Variants in SFXN4 observed in about 807,000 individuals in gnomAD.
SFXN4 encodes sideroflexin 4.
SFXN4 carries 48 observed loss-of-function variants against 54.6 expected under a neutral mutation model. That is an observed-to-expected ratio of 0.88 (90% CI 0.70 to 1.12). SFXN4 has a LOEUF of 1.12. SFXN4 is among the 50% of genes most tolerant of loss of function. The pLI is 0.00. For missense variants in SFXN4, 383 were observed against 409.2 expected (o/e 0.94, Z 0.55); for synonymous variants, 130 against 145.5 (o/e 0.89, Z 0.77).
chr10:119,161,218 A>G, intron 3 of SFXN4, 137 bp from the exon 4 acceptor site: 1 of 767,706 alleles, frequency 1.3e-6, no homozygotes, highest in Non-Finnish European at 2.1e-6. Flanking sequence ...TACTGGGTTC[A>G]AACGATCCTC....
At chr10:119,157,136 A>G (rs1388276274) in intron 9 of SFXN4, among the ~76,000 whole-genome samples, 1 of 152,198 alleles carries the variant, frequency 6.6e-6, no homozygotes, top group Non-Finnish European at 1.5e-5. Flanking sequence ...TTTTAAAAAG[A>G]TAACAGTACC....
intron 3 of SFXN4, among the ~76,000 whole-genome samples, chr10:119,161,768 T>C (rs892793754): frequency 1.3e-5 from 2 of 152,210 alleles, no homozygotes; most frequent in Non-Finnish European, 2.9e-5. Flanking sequence ...TGTGTGCTGA[T>C]GACACACCAT....
rs2133611171 is a variant in SFXN4, at chr10:119,157,892, G to T, written c.450C>A (p.Ser150Arg). ...TCACGTAACTTCTGTTTCCATTGAT[G>T]CTGTTGAACGCTGCCATGTAGGCAC... ...FLCAYMAAFNSINGNRSYTCK... is the reference protein window; with the variant it reads ...FLCAYMAAFNRINGNRSYTCK... The change falls in exon 8 of 14, where the codon AGC (serine) becomes AGA (arginine). Residue 150 changes from serine to arginine, a missense_variant. Coordinates refer to ENST00000355697, the MANE Select transcript of SFXN4 (RefSeq NM_213649.2). The T allele has an allele frequency of 6.2e-7, 1 of 1,614,210 alleles. No homozygotes were observed. The highest frequency in any genetic ancestry group is 1.6e-4 in the Middle Eastern group (1 of 6,062).
intron 11 of SFXN4, among the ~76,000 whole-genome samples, chr10:119,148,551 C>G (rs1336513931): frequency 2.0e-5 from 3 of 152,166 alleles, no homozygotes; most frequent in Non-Finnish European, 4.4e-5. Flanking sequence ...TGACCTGGCT[C>G]AGCAGTGACT....
At position 119,159,757 on chromosome 10, in the gene SFXN4, G is replaced by A; in HGVS notation, c.335-4C>T. 1 of 1,614,100 alleles carries A rather than the reference G, an allele frequency of 6.2e-7. No individual in the cohort carries two copies. Among genetic ancestry groups the A allele is most frequent in the South Asian group, 1.1e-5 (1 of 91,080 alleles). The stretch of plus-strand genomic sequence containing the variant: ...GGTGCCATGAAAGGCAGGAACGCTG[G>A]CAGGAAGAGAAGAGAGGAGGTGTCA... On this transcript the variant is annotated splice_region_variant and splice_polypyrimidine_tract_variant and intron_variant, in intron 5 of 13. Transcript: ENST00000355697.
chr10:119,161,165 G>C lies in SFXN4; in HGVS notation c.253-84C>G. The C allele has an allele frequency of 2.2e-6, 3 of 1,358,164 alleles. No individual in the cohort carries two copies. In the East Asian group the frequency reaches 7.1e-5, roughly 32 times the overall value. 84.1% of individuals were successfully genotyped at this position (1,358,164 alleles called of 1,614,324 possible). ...TCTTGCTCTGTCACCCAGGGCTGGG[G>C]TATAGTGGCACAATCATCACTCACT... On this transcript the variant is annotated intron_variant, in intron 3 of 13. Coordinates refer to ENST00000355697, the MANE Select transcript of SFXN4 (RefSeq NM_213649.2).
At chr10:119,153,062 T>C (rs1021235068) in intron 11 of SFXN4, among the ~76,000 whole-genome samples, 3 of 152,154 alleles carry the variant, frequency 2.0e-5, no homozygotes, top group African/African-American at 4.8e-5. Flanking sequence ...GACCATAGAC[T>C]ATACCAGGTT....
intron 12 of SFXN4, among the ~76,000 whole-genome samples, chr10:119,147,546 A>G (rs571349482): frequency 6.6e-6 from 1 of 152,288 alleles, no homozygotes; most frequent in Non-Finnish European, 1.5e-5. Flanking sequence ...CGCCAAGGAC[A>G]CGGGGTAACT....
In SFXN4 at chr10:119,164,168, G is replaced by T; in HGVS notation, c.140C>A (p.Thr47Lys). 6.3e-7 allele frequency: 1 copy of T among 1,592,234 alleles called. No individual in the cohort carries two copies. The highest frequency in any genetic ancestry group is 8.6e-7 in the Non-Finnish European group (1 of 1,167,896). Residue 47 changes from threonine to lysine, a missense_variant, in exon 2 of 14, where the codon ACA (threonine) becomes AAA (lysine). Transcript: ENST00000355697. ...QSFIRRFLQW[T>K]ELLDPTNVFI... ...CACATTTGTAGGATCTAATAATTCT[G>T]TCCATTGAAGAAATCGTCGAATAAA... is the stretch of plus-strand genomic sequence containing the variant.
At chr10:119,165,438 C>T (rs1589654408) in intron 1 of SFXN4, 99 bp downstream of exon 1, 2 of 1,355,338 alleles carry the variant, frequency 1.5e-6, no homozygotes, top group Non-Finnish European at 1.9e-6. Flanking sequence ...AGACAGGGGG[C>T]GCCCACGTGG....
rs949051682 is a variant in SFXN4, at chr10:119,158,141, G to A, written c.361-79C>T. On this transcript the variant is annotated intron_variant, in intron 6 of 13. Transcript: ENST00000355697. Reference sequence around the variant, plus strand: ...TGCAGTAGCAAAGAACTTTCCAGGGGAGAGGGAGAATTGAGCCCCCAAGGA... The same window carrying A: ...TGCAGTAGCAAAGAACTTTCCAGGGAAGAGGGAGAATTGAGCCCCCAAGGA... 3 of 1,368,040 alleles carry A rather than the reference G, an allele frequency of 2.2e-6. No homozygotes were observed. In the African/African-American group the frequency reaches 4.3e-5, roughly 20 times the overall value. 84.7% of individuals were successfully genotyped at this position (1,368,040 alleles called of 1,614,324 possible). A position where few individuals can be genotyped will look rare whatever the true frequency, so the allele number is the denominator to read the frequency against.
rs1564809562 is a variant in SFXN4 at position 119,140,900 on chromosome 10, G to A, written c.*342C>T. On this transcript the variant is annotated 3_prime_UTR_variant, in exon 14 of 14. Transcript: ENST00000355697. ...CATTTAACACCTGTGTCCTGGGCAC[G>A]GTGGACTCTGTGTTCTTTCTTCAAA... 9.6e-6 allele frequency: 2 copies of A among 207,558 alleles called. No individual in the cohort carries two copies. Among genetic ancestry groups the A allele is most frequent in the Non-Finnish European group, 1.9e-5 (2 of 103,478 alleles). 12.9% of individuals were successfully genotyped at this position (207,558 alleles called of 1,614,324 possible).
intron 11 of SFXN4, among the ~76,000 whole-genome samples, chr10:119,154,549 G>C (rs1847201608): frequency 6.6e-6 from 1 of 152,098 alleles, no homozygotes; most frequent in Non-Finnish European, 1.5e-5. Flanking sequence ...AAGGAATTGG[G>C]GGCCAGGCAT....
chr10:119,158,250 T>C (rs1008888180), intron 6 of SFXN4, 188 bp from the exon 7 acceptor site: 1 of 624,664 alleles, frequency 1.6e-6, no homozygotes. Context: ...AACACCAAAC[T>C]AGCAGCTCTA....
In SFXN4 at chr10:119,141,241, C is replaced by G. The variant is rs768770142; in HGVS notation, c.*1G>C. The stretch of plus-strand genomic sequence containing the variant: ...CACATAAATTCACCTAAAACTCACG[C>G]CTACACCCCTCTGTGATAAAAGATT... On this transcript the variant is annotated 3_prime_UTR_variant, in exon 14 of 14. Transcript: ENST00000355697. The G allele has an allele frequency of 1.2e-6, 2 of 1,609,522 alleles. No individual in the cohort carries two copies. The highest frequency in any genetic ancestry group is 1.7e-6 in the Non-Finnish European group (2 of 1,176,178).
intron 11 of SFXN4, among the ~76,000 whole-genome samples, chr10:119,149,765 T>G (rs12412960): frequency 0.31 from 47,060 of 151,762 alleles, 7,882 homozygotes; most frequent in South Asian, 0.41. Context: ...TAAAAGAAAA[T>G]AAAATAAAAG....
In SFXN4 at chr10:119,141,147, G is replaced by T; in HGVS notation, c.*95C>A. On this transcript the variant is annotated 3_prime_UTR_variant, in exon 14 of 14. Transcript: ENST00000355697. The stretch of plus-strand genomic sequence containing the variant: ...CCTTGTCAGCACAGACACCTCTGGG[G>T]TCCCCAGAAGACCTGTGGCAAAGTT... 1 of 826,900 alleles carries T rather than the reference G, an allele frequency of 1.2e-6. No individual in the cohort carries two copies. Among genetic ancestry groups the T allele is most frequent in the South Asian group, 1.6e-5 (1 of 63,652 alleles). The allele number at this position is 826,900 out of a possible 1,614,324, so 51.2% of individuals were successfully genotyped here. A position where few individuals can be genotyped will look rare whatever the true frequency, so the allele number is the denominator to read the frequency against.
At chr10:119,165,263 G>GCAGC in intron 1 of SFXN4, 1 of 1,174,834 alleles carries the variant, frequency 8.5e-7, no homozygotes, top group South Asian at 2.4e-5. Flanking sequence ...GCAGTAGGGA[G>GCAGC]CAGCCACCTG....
chr10:119,159,707 G>T (rs199548825), intron 6 of SFXN4, 21 bp downstream of exon 6: 1 of 1,613,660 alleles, frequency 6.2e-7, no homozygotes, highest in Non-Finnish European at 8.5e-7. Flanking sequence ...GTCTCCTAAC[G>T]GCAAATGTCT....
Sources: allele counts gnomAD v4.1 joint callset (sites outside exome capture counted in the v4.1 genomes callset), GRCh38; gene constraint gnomAD v4.1.1; transcripts MANE v1.5; gene names NCBI Gene and HGNC (gene_info 2026-07-23, HGNC 2026-07-21).